PLCL2: variants seen among roughly 807,000 people sequenced by gnomAD.
PLCL2 encodes inactive phospholipase C-like protein 2.
A neutral mutation model predicts 79.6 loss-of-function variants in PLCL2; 4 were observed. The ratio of observed to expected loss-of-function variants is 0.05; its 90% CI spans 0.02 to 0.11. The LOEUF is 0.11. Ranked by LOEUF, PLCL2 falls within the 10% of genes least tolerant of loss-of-function variation. PLCL2 has a pLI of 1.00. For missense variants in PLCL2, 895 were observed against 1,291.0 expected, an observed-to-expected ratio of 0.69 and a Z score of 4.70; for synonymous variants, 484 against 457.7, an observed-to-expected ratio of 1.06 and a Z score of -0.73.
At chr3:17,025,201 T>C (rs2064503162) in intron 3 of PLCL2, among the ~76,000 whole-genome samples, 2 of 152,202 alleles carry the variant, frequency 1.3e-5, no homozygotes, top group South Asian at 4.1e-4. Flanking sequence ...TATAATTTTA[T>C]TGTTTAGAAT....
intron 1 of PLCL2, among the ~76,000 whole-genome samples, chr3:16,957,429 G>T (rs2063716583): frequency 6.6e-6 from 1 of 152,138 alleles, no homozygotes; most frequent in South Asian, 2.1e-4. Flanking sequence ...TACATTTGCT[G>T]AGGAGTGCTT....
At chr3:16,994,031 G>A (rs879367619) in intron 1 of PLCL2, among the ~76,000 whole-genome samples, 3 of 152,226 alleles carry the variant, frequency 2.0e-5, no homozygotes, top group African/African-American at 7.2e-5. Context: ...CTTAACAGCA[G>A]TGAGGCCTGG....
At chr3:16,934,864 A>G (rs1417981974) in intron 1 of PLCL2, among the ~76,000 whole-genome samples, 1 of 152,216 alleles carries the variant, frequency 6.6e-6, no homozygotes. Flanking sequence ...ACTTTTAACA[A>G]AAAGATTATG....
At chr3:17,057,300 A>T (rs1180621488) in intron 4 of PLCL2, among the ~76,000 whole-genome samples, 1 of 152,196 alleles carries the variant, frequency 6.6e-6, no homozygotes, top group Non-Finnish European at 1.5e-5. Flanking sequence ...TTGGTGATAA[A>T]GCCCTTGTCT....
chr3:16,940,436 A>C (rs1020511113), intron 1 of PLCL2, among the ~76,000 whole-genome samples: 1 of 152,180 alleles, frequency 6.6e-6, no homozygotes, highest in African/African-American at 2.4e-5. Flanking sequence ...ACTAAGTTCC[A>C]TGTTGTAAAC....
chr3:17,012,624 A>G (rs960474280), intron 2 of PLCL2, among the ~76,000 whole-genome samples: 1 of 152,268 alleles, frequency 6.6e-6, no homozygotes, highest in African/African-American at 2.4e-5. Flanking sequence ...CCATAAATAT[A>G]TGTGTATGCA....
chr3:16,910,895 C>T (rs1014143287), intron 1 of PLCL2, among the ~76,000 whole-genome samples: 2 of 152,128 alleles, frequency 1.3e-5, no homozygotes, highest in African/African-American at 4.8e-5. Flanking sequence ...TATCAACAAA[C>T]ACTTTGGTTT....
At chr3:17,028,151 G>C (rs2124906829) in intron 3 of PLCL2, among the ~76,000 whole-genome samples, 1 of 152,298 alleles carries the variant, frequency 6.6e-6, no homozygotes, top group Non-Finnish European at 1.5e-5. Flanking sequence ...GCTGGGTGGA[G>C]AGAAGGGAAT....
At chr3:17,031,613 G>T (rs960676355) in intron 3 of PLCL2, among the ~76,000 whole-genome samples, 6 of 152,248 alleles carry the variant, frequency 3.9e-5, no homozygotes, top group African/African-American at 1.2e-4. Flanking sequence ...TTTATCATGT[G>T]CTGTAAAGTA....
intron 5 of PLCL2, among the ~76,000 whole-genome samples, chr3:17,082,140 T>G (rs1408807731): frequency 7.0e-5 from 2 of 28,628 alleles, no homozygotes; most frequent in African/African-American, 3.8e-4. Flanking sequence ...TCTTTCAGAG[T>G]TTTTTTTTTT....
chr3:17,057,398 T>C lies in PLCL2; in HGVS notation c.3095-10558T>C, dbSNP rs150405724. On this transcript the variant is annotated intron_variant, in intron 4 of 5. Transcript: ENST00000615277. Reference sequence around the variant, plus strand: ...GATAGTTTAGGACTCACTCGGGGACTCAGTGATTGGTTCTGTCTCCTCTGC... The same window carrying C: ...GATAGTTTAGGACTCACTCGGGGACCCAGTGATTGGTTCTGTCTCCTCTGC... 7.2e-5 allele frequency among the ~76,000 whole-genome samples: 11 copies of C among 152,314 alleles called. No homozygotes were observed. In the East Asian group the frequency reaches 2.1e-3, roughly 29 times the overall value.
At chr3:16,932,023 C>T (rs978730166) in intron 1 of PLCL2, among the ~76,000 whole-genome samples, 3 of 152,180 alleles carry the variant, frequency 2.0e-5, no homozygotes, top group Non-Finnish European at 4.4e-5. Context: ...TGGCCATCTG[C>T]AGCCTGGAGA....
At chr3:17,061,440 A>G (rs1457299042) in intron 4 of PLCL2, among the ~76,000 whole-genome samples, 1 of 152,206 alleles carries the variant, frequency 6.6e-6, no homozygotes, top group Non-Finnish European at 1.5e-5. Flanking sequence ...GAGTTAATTT[A>G]ATTATGCCAT....
chr3:17,071,943 C>T (rs2065064209), intron 5 of PLCL2, among the ~76,000 whole-genome samples: 1 of 152,042 alleles, frequency 6.6e-6, no homozygotes, highest in South Asian at 2.1e-4. Context: ...TCTCCTGCCT[C>T]AGCCTCCCAA....
rs116302311 is a variant in PLCL2, at chr3:17,030,720, C to T, written c.3019-12154C>T. On this transcript the variant is annotated intron_variant, in intron 3 of 5. Coordinates refer to ENST00000615277, the MANE Select transcript of PLCL2 (RefSeq NM_001144382.2). ...TGTTATTCCTGGAGAACTGTGGACA[C>T]TCTGCTGTGTTTAAAAAAAGTATTG... 4.8e-3 allele frequency among the ~76,000 whole-genome samples: 724 copies of T among 152,288 alleles called. 6 individuals carry two copies. The highest frequency in any genetic ancestry group is 0.016 in the African/African-American group (669 of 41,570).
intron 1 of PLCL2, among the ~76,000 whole-genome samples, chr3:16,896,646 CAAAACCAGTTATCCAGATATACGGACA>C (rs1162604529): frequency 1.3e-5 from 2 of 152,160 alleles, no homozygotes; most frequent in African/African-American, 4.8e-5. Flanking sequence ...GTTAACAGAG[CAAAACCAGTTATCCAGATATACGGACA>C]AAATGGAGAG....
At chr3:17,029,374 A>C (rs541631370) in intron 3 of PLCL2, among the ~76,000 whole-genome samples, 95 of 149,186 alleles carry the variant, frequency 6.4e-4, no homozygotes, top group South Asian at 1.9e-3. Context: ...AAAAAAAAAA[A>C]CAACTGTATA....
At position 16,902,881 on chromosome 3, in the gene PLCL2, T is replaced by TGTGTGTGTGC. The variant is rs1272936432; in HGVS notation, c.327+17516_327+17517insTGTGTGTGCG. On this transcript the variant is annotated intron_variant, in intron 1 of 5. Transcript: ENST00000615277. ...GTGTGTGTGTGTGTGTGTGTGTGTG[T>TGTGTGTGTGC]GNGCGCATGTGCATGCTTTGGAAGG... is the stretch of plus-strand genomic sequence containing the variant. Among the ~76,000 whole-genome samples the TGTGTGTGTGC allele has an allele frequency of 2.6e-3, 353 of 133,908 alleles. 6 individuals are homozygous for TGTGTGTGTGC. Among genetic ancestry groups the TGTGTGTGTGC allele is most frequent in the Admixed American group, 0.024 (308 of 13,048 alleles). 87.8% of individuals were successfully genotyped at this position (133,908 alleles called of 152,430 possible).
intron 1 of PLCL2, among the ~76,000 whole-genome samples, chr3:16,909,689 A>G (rs990145497): frequency 6.6e-6 from 1 of 152,220 alleles, no homozygotes. Flanking sequence ...TAACTGATAT[A>G]ATATTTCTCT....
Sources: allele counts gnomAD v4.1 joint callset (sites outside exome capture counted in the v4.1 genomes callset), GRCh38; gene constraint gnomAD v4.1.1; transcripts MANE v1.5; gene names NCBI Gene and HGNC (gene_info 2026-07-23, HGNC 2026-07-21).